UTP15: variants seen among roughly 807,000 people sequenced by gnomAD.
The protein encoded by UTP15 is U3 small nucleolar RNA-associated protein 15 homolog.
Under a neutral mutation model 59.1 loss-of-function variants are expected in UTP15, and 5 were observed. The ratio of observed to expected loss-of-function variants is 0.08; its 90% CI spans 0.04 to 0.18. UTP15 has a LOEUF of 0.18. Among genes scored for constraint, UTP15 ranks in the 10% least tolerant of loss-of-function variants. The pLI, the probability that UTP15 is intolerant of heterozygous loss-of-function variation, is 1.00. For synonymous variants in UTP15, 211 were observed against 212.2 expected (o/e 0.99, Z 0.05); for missense variants, 494 against 616.7 (o/e 0.80, Z 2.11).
chr5:73,570,723 A>G lies in UTP15; in HGVS notation c.673+12A>G. On this transcript the variant is annotated intron_variant, in intron 6 of 12. Coordinates refer to ENST00000296792, the MANE Select transcript of UTP15 (RefSeq NM_032175.4). ...TCTGGTGTCAGCAGGTACTTCTTAA[A>G]AATAGCTTTCACCAATATTGTTGGT... 6.2e-7 allele frequency: 1 copy of G among 1,609,576 alleles called. No individual in the cohort carries two copies. Among genetic ancestry groups the G allele is most frequent in the Non-Finnish European group, 8.5e-7 (1 of 1,178,760 alleles).
At chr5:73,579,186 A>C (rs1748220903) in intron 11 of UTP15, 36 bp downstream of exon 11, 1 of 1,611,872 alleles carries the variant, frequency 6.2e-7, no homozygotes, top group Admixed American at 1.7e-5. Context: ...TACATTTTGC[A>C]TCTGAAATCC....
chr5:73,575,739 TA>T (rs1441144282), intron 7 of UTP15, among the ~76,000 whole-genome samples: 2 of 151,396 alleles, frequency 1.3e-5, no homozygotes, highest in African/African-American at 2.4e-5. Flanking sequence ...TTTTTTTTTT[TA>T]AGATGGAGTT....
At position 73,579,993 on chromosome 5, in the gene UTP15, A is replaced by T. The variant is rs764864332; in HGVS notation, c.1456A>T (p.Met486Leu). 6.2e-7 allele frequency: 1 copy of T among 1,613,944 alleles called. No homozygotes were observed. Among genetic ancestry groups the T allele is most frequent in the Admixed American group, 1.7e-5 (1 of 60,010 alleles). The change falls in exon 13 of 13, where the codon ATG becomes TTG. Residue 486 changes from methionine to leucine, a missense_variant. Transcript: ENST00000296792. ...YQRELLETLG[M>L]MDMLFATMRR... is the part of the protein sequence containing the mutation. ...AAGAGAATTGTTAGAAACCTTGGGG[A>T]TGATGGATATGCTTTTTGCCACCAT...
chr5:73,570,590 A>T lies in UTP15; in HGVS notation c.552A>T (p.Ser184=), dbSNP rs761229993. The T allele has an allele frequency of 6.2e-7, 1 of 1,614,032 alleles. No homozygotes were observed. ...ATTCAAAAATTGACATTTTAGGATCATATGATCATACTGTGAAGATGTTTG... is the reference window on the plus strand; with the variant it reads ...ATTCAAAAATTGACATTTTAGGATCTTATGATCATACTGTGAAGATGTTTG... ...KLNPDLFITG[S]YDHTVKMFDA... is the part of the protein sequence containing the mutation. Residue 184 remains serine (S), a synonymous_variant, in exon 6 of 13, where the codon TCA becomes TCT. Coordinates refer to ENST00000296792, the MANE Select transcript of UTP15 (RefSeq NM_032175.4).
In UTP15 at chr5:73,582,160, C is replaced by T. The variant is rs193280713; in HGVS notation, c.*2066C>T. On this transcript the variant is annotated 3_prime_UTR_variant, in exon 13 of 13. Transcript: ENST00000296792. ...TTATTCTCATTTAACATTGAGTTAA[C>T]GAAAGTAGTTGATTCACTCTCGAAG... The T allele has an allele frequency of 1.8e-4, 28 of 152,284 alleles. No homozygotes were observed. The highest frequency in any genetic ancestry group is 6.5e-4 in the African/African-American group (27 of 41,564). The allele number at this position is 152,284 out of a possible 1,614,324, so 9.4% of individuals were successfully genotyped here.
At chr5:73,572,416 G>T in intron 6 of UTP15, 73 bp from the exon 7 acceptor site, 1 of 1,574,758 alleles carries the variant, frequency 6.4e-7, no homozygotes, top group Non-Finnish European at 8.6e-7. Context: ...GTCCAGAGAA[G>T]AATGCTTTTC....
rs904316269 is a variant in UTP15, at chr5:73,583,200, C to G, written c.*3106C>G. On this transcript the variant is annotated 3_prime_UTR_variant, in exon 13 of 13. Transcript: ENST00000296792. Reference sequence around the variant, plus strand: ...ACCATGGTGGTACAACTGACTCAACCCTTCTCTAAGCAGGGATTTGTAATT... The same window carrying G: ...ACCATGGTGGTACAACTGACTCAACGCTTCTCTAAGCAGGGATTTGTAATT... The G allele has an allele frequency of 1.3e-5, 2 of 152,142 alleles. No homozygotes were observed. The highest frequency in any genetic ancestry group is 2.4e-5 in the African/African-American group (1 of 41,426). The allele number at this position is 152,142 out of a possible 1,614,324, so 9.4% of individuals were successfully genotyped here.
intron 7 of UTP15, among the ~76,000 whole-genome samples, chr5:73,572,925 G>A (rs1236477528): frequency 6.6e-6 from 1 of 152,044 alleles, no homozygotes; most frequent in African/African-American, 2.4e-5. Context: ...AGCCTCCTGA[G>A]TAGCTGGGAT....
Position 73,572,616 on chromosome 5 carries a change from A to G in UTP15, c.801A>G (p.Ser267=), listed in dbSNP as rs1486342868. Residue 267 remains serine (S), a synonymous_variant, in exon 7 of 13, where the codon TCA becomes TCG. Coordinates refer to ENST00000296792, the MANE Select transcript of UTP15 (RefSeq NM_032175.4). ...SSSGQRLLSG[S]LDRKVKVYST... is the part of the protein sequence containing the mutation. ...CTGGACAGAGGTTACTCTCTGGCTC[A>G]CTGGATAGGTTGGCATTTTAATTTT... The G allele has an allele frequency of 1.2e-6, 2 of 1,612,400 alleles. No homozygotes were observed. Among genetic ancestry groups the G allele is most frequent in the Non-Finnish European group, 1.7e-6 (2 of 1,179,630 alleles).
At chr5:73,572,839 C>G (rs1747974118) in intron 7 of UTP15, among the ~76,000 whole-genome samples, 1 of 152,246 alleles carries the variant, frequency 6.6e-6, no homozygotes, top group South Asian at 2.1e-4. Flanking sequence ...ACTCTGTCAC[C>G]TAGGCTGGAG....
intron 8 of UTP15, among the ~76,000 whole-genome samples, chr5:73,577,282 A>G (rs544735707): frequency 1.3e-5 from 2 of 152,236 alleles, no homozygotes; most frequent in Admixed American, 6.5e-5. Context: ...CATTAAACGC[A>G]GGACCTGGGA....
chr5:73,568,249 T>G lies in UTP15; in HGVS notation c.105T>G (p.Ile35Met). The part of the protein sequence containing the change: ...YWNNYKTPVQ[I>M]KEFGAVSKVD... Reference sequence around the variant, plus strand: ...TTTTTATTAAGACCCCTGTTCAGATTAAGGAATTTGGTGCAGTTTCAAAAG... The same window carrying G: ...TTTTTATTAAGACCCCTGTTCAGATGAAGGAATTTGGTGCAGTTTCAAAAG... Residue 35 changes from isoleucine (I) to methionine (M), a missense_variant, in exon 3 of 13, where the codon ATT becomes ATG. Ile to Met is a conservative substitution (Grantham distance 10). Transcript: ENST00000296792. The G allele has an allele frequency of 1.2e-6, 2 of 1,609,636 alleles. No homozygotes were observed. Among genetic ancestry groups the G allele is most frequent in the Non-Finnish European group, 1.7e-6 (2 of 1,178,844 alleles).
chr5:73,581,468 C>T lies in UTP15; in HGVS notation c.*1374C>T, dbSNP rs190568310. 6.6e-6 allele frequency: 1 copy of T among 152,264 alleles called. No homozygotes were observed. Among genetic ancestry groups the T allele is most frequent in the Admixed American group, 6.5e-5 (1 of 15,306 alleles). 9.4% of individuals were successfully genotyped at this position (152,264 alleles called of 1,614,324 possible). On this transcript the variant is annotated 3_prime_UTR_variant, in exon 13 of 13. Transcript: ENST00000296792. ...TAGTACACTGGTTTCACAGTTGCTA[C>T]CTCTCCTGCTTTTCTCTAATTATTA...
chr5:73,577,519 T>C (rs1214082836), intron 8 of UTP15, among the ~76,000 whole-genome samples: 2 of 152,186 alleles, frequency 1.3e-5, no homozygotes, highest in African/African-American at 4.8e-5. Context: ...AAATCTGATT[T>C]GGGAGAGGAA....
At chr5:73,568,180 A>C in intron 2 of UTP15, 55 bp from the exon 3 acceptor site, 1 of 1,310,502 alleles carries the variant, frequency 7.6e-7, no homozygotes, top group Non-Finnish European at 1.1e-6. Flanking sequence ...TATGTAATGC[A>C]TAAATAGGTC....
intron 6 of UTP15, 52 bp downstream of exon 6, chr5:73,570,763 GT>G: frequency 6.2e-7 from 1 of 1,600,082 alleles, no homozygotes; most frequent in Non-Finnish European, 8.5e-7. Flanking sequence ...AATCACGTTT[GT>G]TTAAAATCAG....
intron 6 of UTP15, 99 bp downstream of exon 6, chr5:73,570,810 G>C: frequency 6.7e-7 from 1 of 1,496,202 alleles, no homozygotes; most frequent in Non-Finnish European, 9.2e-7. Flanking sequence ...CATTTGAATT[G>C]CATATCTAAG....
rs185841101 is a variant in UTP15, at chr5:73,568,121, C to T, written c.91-114C>T. 212 of 752,834 alleles carry T rather than the reference C, an allele frequency of 2.8e-4. No individual in the cohort carries two copies. In the East Asian group the frequency reaches 5.3e-3, roughly 19 times the overall value. The allele number at this position is 752,834 out of a possible 1,614,324, so 46.6% of individuals were successfully genotyped here. On this transcript the variant is annotated intron_variant, in intron 2 of 12. Coordinates refer to ENST00000296792, the MANE Select transcript of UTP15 (RefSeq NM_032175.4). The stretch of plus-strand genomic sequence containing the variant: ...TTTCTTTGTAATTTTATGTTAAATA[C>T]AACTTAAGAAATGTTACTAAGAACA...
At chr5:73,574,357 C>G (rs1748026817) in intron 7 of UTP15, among the ~76,000 whole-genome samples, 1 of 151,866 alleles carries the variant, frequency 6.6e-6, no homozygotes, top group Non-Finnish European at 1.5e-5. Context: ...AAATTACTGT[C>G]TCAGTTTTTA....
Sources: gnomAD v4.1 joint callset for allele counts (sites outside exome capture counted in the v4.1 genomes callset) on GRCh38, gnomAD v4.1.1 for gene constraint, MANE v1.5 for transcripts, NCBI Gene and HGNC (gene_info 2026-07-23, HGNC 2026-07-21) for gene names.